The following CDC42EP3 variants were observed in gnomAD, a reference collection of about 807,000 sequenced individuals.
The protein encoded by CDC42EP3 is CDC42 effector protein (Rho GTPase binding) 3.
Under a neutral mutation model 15.5 loss-of-function variants are expected in CDC42EP3, and 4 were observed. That is an observed-to-expected ratio of 0.26 (90% CI 0.13 to 0.59). The LOEUF is 0.59. CDC42EP3 is among the 20% of genes least tolerant of loss of function. The pLI is 0.89. For missense variants in CDC42EP3, 309 were observed against 311.2 expected (o/e 0.99, Z 0.05); for synonymous variants, 145 against 130.3 (o/e 1.11, Z -0.77).
chr2:37,662,738 C>G lies in CDC42EP3; in HGVS notation c.-236+8688G>C, dbSNP rs185480924. 1.7e-3 allele frequency among the ~76,000 whole-genome samples: 263 copies of G among 152,258 alleles called. 1 individual carries two copies. The highest frequency in any genetic ancestry group is 2.7e-3 in the Admixed American group (42 of 15,296). ...CTAAACTTAATAGAAGGCCAAAAAT[C>G]AACACTCTTTAGGAAGACATTTCAT... On this transcript the variant is annotated intron_variant, in intron 1 of 1. Coordinates refer to ENST00000295324, the MANE Select transcript of CDC42EP3 (RefSeq NM_006449.5).
At chr2:37,651,386 G>T (rs1346605751) in intron 1 of CDC42EP3, among the ~76,000 whole-genome samples, 1 of 152,170 alleles carries the variant, frequency 6.6e-6, no homozygotes, top group Non-Finnish European at 1.5e-5. Context: ...GGCTTTCCTG[G>T]AGAGCCAATT....
intron 1 of CDC42EP3, among the ~76,000 whole-genome samples, chr2:37,662,336 C>A (rs906054879): frequency 6.6e-6 from 1 of 152,078 alleles, no homozygotes. Flanking sequence ...GGCAATGAGC[C>A]CATATCAATG....
rs575102259 is a variant in CDC42EP3, at chr2:37,645,224, G to A, written c.*599C>T. 6.6e-6 allele frequency: 1 copy of A among 152,568 alleles called. No individual in the cohort carries two copies. The highest frequency in any genetic ancestry group is 6.6e-5 in the Admixed American group (1 of 15,266). The allele number at this position is 152,568 out of a possible 1,614,324, so 9.5% of individuals were successfully genotyped here. ...ACTTAGTTACAGTAATACTTTGCCT[G>A]TGTCTTACCAACATGTAGCTGACAG... On this transcript the variant is annotated 3_prime_UTR_variant, in exon 2 of 2. Transcript: ENST00000295324.
chr2:37,671,827 G>C (rs1666440228), upstream of CDC42EP3: 1 of 152,016 alleles, frequency 6.6e-6, no homozygotes, highest in Non-Finnish European at 1.5e-5. Context: ...GCGCGGGGGG[G>C]GGTCACCGTT....
chr2:37,644,665 C>CAA lies in CDC42EP3; in HGVS notation c.*1156_*1157dup, dbSNP rs1356049217. ...ATCTGACCTCACATGTTCATTTTTC[C>CAA]AAAAGTAGAGAGGCTCAGTTTCTAG... On this transcript the variant is annotated 3_prime_UTR_variant, in exon 2 of 2. Coordinates refer to ENST00000295324, the MANE Select transcript of CDC42EP3 (RefSeq NM_006449.5). The CAA allele has an allele frequency of 5.3e-5, 8 of 150,568 alleles. No individual in the cohort carries two copies. Among genetic ancestry groups the CAA allele is most frequent in the African/African-American group, 1.7e-4 (7 of 40,892 alleles). The allele number at this position is 150,568 out of a possible 1,614,324, so 9.3% of individuals were successfully genotyped here.
At chr2:37,663,690 A>G (rs1044637359) in intron 1 of CDC42EP3, among the ~76,000 whole-genome samples, 7 of 152,200 alleles carry the variant, frequency 4.6e-5, no homozygotes, top group African/African-American at 1.7e-4. Context: ...GCAGGACTTA[A>G]AAATAAGCTA....
chr2:37,646,306 C>A lies in CDC42EP3; in HGVS notation c.282G>T (p.Val94=). 1 of 1,614,184 alleles carries A rather than the reference C, an allele frequency of 6.2e-7. No individual in the cohort carries two copies. The highest frequency in any genetic ancestry group is 8.5e-7 in the Non-Finnish European group (1 of 1,180,034). ...FFRANSTSDS[V]FTETPSPVLK... is the part of the protein sequence containing the mutation. ...GCACCGGGGAGGGCGTTTCTGTGAACACAGAGTCCGAGGTGCTGTTGGCCC... is the reference window on the plus strand; with the variant it reads ...GCACCGGGGAGGGCGTTTCTGTGAAAACAGAGTCCGAGGTGCTGTTGGCCC... Residue 94 remains valine, a synonymous_variant, in exon 2 of 2, where the codon GTG becomes GTT. Transcript: ENST00000295324.
At chr2:37,666,684 C>A (rs1481697236) in intron 1 of CDC42EP3, among the ~76,000 whole-genome samples, 1 of 152,180 alleles carries the variant, frequency 6.6e-6, no homozygotes, top group Non-Finnish European at 1.5e-5. Context: ...ATCTCAGCAT[C>A]ATGCTTTGTA....
At chr2:37,651,605 A>G (rs1336947896) in intron 1 of CDC42EP3, among the ~76,000 whole-genome samples, 1 of 152,274 alleles carries the variant, frequency 6.6e-6, no homozygotes, top group African/African-American at 2.4e-5. Flanking sequence ...CCAAAGAGGC[A>G]GCATGGATCT....
intron 1 of CDC42EP3, among the ~76,000 whole-genome samples, chr2:37,655,739 T>G (rs1665827497): frequency 6.6e-6 from 1 of 152,230 alleles, no homozygotes. Context: ...TGGATCTGAC[T>G]TGGTCTGTGA....
intron 1 of CDC42EP3, among the ~76,000 whole-genome samples, chr2:37,652,380 C>T (rs998205459): frequency 6.6e-5 from 10 of 152,028 alleles, no homozygotes; most frequent in Non-Finnish European, 1.5e-4. Context: ...GAAAGGCTTA[C>T]AGGCCGGAAG....
In CDC42EP3 at chr2:37,645,272, T is replaced by A. The variant is rs1462859938; in HGVS notation, c.*551A>T. On this transcript the variant is annotated 3_prime_UTR_variant, in exon 2 of 2. Transcript: ENST00000295324. Reference sequence around the variant, plus strand: ...CAGTCAAAATTTTGCAATATAGATATAATATATAGGGATATATAAGAACTA... The same window carrying A: ...CAGTCAAAATTTTGCAATATAGATAAAATATATAGGGATATATAAGAACTA... 2.6e-5 allele frequency: 4 copies of A among 152,642 alleles called. No individual in the cohort carries two copies. In the East Asian group the frequency reaches 7.7e-4, roughly 29 times the overall value. The allele number at this position is 152,642 out of a possible 1,614,324, so 9.5% of individuals were successfully genotyped here.
chr2:37,657,001 C>CCCCCG lies in CDC42EP3; in HGVS notation c.-235-10180_-235-10179insCGGGG, dbSNP rs1208218676. On this transcript the variant is annotated intron_variant, in intron 1 of 1. Transcript: ENST00000295324. ...AAAGCCCCCCCCCCACCCCCCGCCC[C>CCCCCG]CCGCCATCCTCGAGGAGAAAAACAA... Among the ~76,000 whole-genome samples the CCCCCG allele has an allele frequency of 2.6e-3, 273 of 103,102 alleles. 4 individuals are homozygous for CCCCCG. Among genetic ancestry groups the CCCCCG allele is most frequent in the East Asian group, 0.015 (28 of 1,860 alleles). The allele number at this position is 103,102 out of a possible 152,430, so 67.6% of individuals were successfully genotyped here.
At chr2:37,654,512 C>T (rs1424583325) in intron 1 of CDC42EP3, among the ~76,000 whole-genome samples, 1 of 152,066 alleles carries the variant, frequency 6.6e-6, no homozygotes, top group Non-Finnish European at 1.5e-5. Flanking sequence ...AGTAACAGCT[C>T]AGGTTTCTCA....
At chr2:37,649,842 G>A (rs938172137) in intron 1 of CDC42EP3, among the ~76,000 whole-genome samples, 2 of 152,194 alleles carry the variant, frequency 1.3e-5, no homozygotes, top group African/African-American at 4.8e-5. Flanking sequence ...GGCAAGAAAA[G>A]GGTTGGTGGG....
chr2:37,667,628 A>G (rs140194200), intron 1 of CDC42EP3, among the ~76,000 whole-genome samples: 1 of 152,328 alleles, frequency 6.6e-6, no homozygotes, highest in East Asian at 1.9e-4. Flanking sequence ...CTTTCATGCC[A>G]CATATGTGGG....
upstream of CDC42EP3, among the ~76,000 whole-genome samples, chr2:37,672,735 C>T (rs994555865): frequency 1.3e-5 from 2 of 152,286 alleles, no homozygotes; most frequent in African/African-American, 2.4e-5. Flanking sequence ...GGGGCTGGGA[C>T]CCCTGGGAGT....
chr2:37,649,073 AT>A (rs1423177071), intron 1 of CDC42EP3, among the ~76,000 whole-genome samples: 6 of 143,036 alleles, frequency 4.2e-5, no homozygotes, highest in African/African-American at 1.6e-4. Flanking sequence ...GGTTCCAATT[AT>A]TTAAAAAAAA....
rs1050399816 is a variant in CDC42EP3 at position 37,646,161 on chromosome 2, G to A, written c.427C>T (p.Leu143Phe). ...TCCTCCATGACGGGCTCGCAGCTAAGCCTGGGCAGCTTTGCTGGCCCGAAG... is the reference window on the plus strand; with the variant it reads ...TCCTCCATGACGGGCTCGCAGCTAAACCTGGGCAGCTTTGCTGGCCCGAAG... The part of the protein sequence containing the change: ...ESFGPAKLPR[L>F]SCEPVMEEKA... The change falls in exon 2 of 2, where the codon CTT (leucine) becomes TTT (phenylalanine). Residue 143 changes from leucine to phenylalanine, a missense_variant. Transcript: ENST00000295324. 1 of 1,614,078 alleles carries A rather than the reference G, an allele frequency of 6.2e-7. No individual in the cohort carries two copies. Among genetic ancestry groups the A allele is most frequent in the African/African-American group, 1.3e-5 (1 of 74,922 alleles).
Sources: allele counts gnomAD v4.1 joint callset (sites outside exome capture counted in the v4.1 genomes callset), GRCh38; gene constraint gnomAD v4.1.1; transcripts MANE v1.5; gene names NCBI Gene and HGNC (gene_info 2026-07-23, HGNC 2026-07-21).